The following ANKRD31 variants were observed in gnomAD, a reference collection of about 807,000 sequenced individuals.
The protein encoded by ANKRD31 is ankyrin repeat domain-containing protein 31.
Under a neutral mutation model 186.0 loss-of-function variants are expected in ANKRD31, and 147 were observed. That is an observed-to-expected ratio of 0.79 (90% confidence interval 0.69 to 0.91). ANKRD31 has a LOEUF of 0.91. Among genes scored for constraint, ANKRD31 ranks in the 40% least tolerant of loss-of-function variants. ANKRD31 has a pLI of 0.00. For missense variants in ANKRD31, 1,986 were observed against 2,148.8 expected, an observed-to-expected ratio of 0.92 and a Z score of 1.50; for synonymous variants, 673 against 736.4, an observed-to-expected ratio of 0.91 and a Z score of 1.39.
At chr5:75,167,852 A>G (rs966777831) in intron 11 of ANKRD31, among the ~76,000 whole-genome samples, 1 of 152,204 alleles carries the variant, frequency 6.6e-6, no homozygotes, top group African/African-American at 2.4e-5. Context: ...ACTCTTGATC[A>G]GTATAGGTCA....
Position 75,188,514 on chromosome 5 carries a change from C to T in ANKRD31, c.1543G>A (p.Val515Ile). The T allele has an allele frequency of 6.5e-7, 1 of 1,535,820 alleles. No individual in the cohort carries two copies. ...VHHCIKKGGN[V>I]NQPSYAGWTA... The stretch of plus-strand genomic sequence containing the variant: ...TTACCAGCATAACTTGGCTGATTAA[C>T]ATTTCCACCTTTTTTTATACAATGA... The change falls in exon 10 of 26, where the codon GTT becomes ATT. Residue 515 changes from valine (V) to isoleucine (I), a missense_variant. Coordinates refer to ENST00000506364, the MANE Select transcript of ANKRD31 (RefSeq NM_001372053.1).
chr5:75,086,506 T>G (rs1213890302), intron 23 of ANKRD31, among the ~76,000 whole-genome samples: 1 of 152,244 alleles, frequency 6.6e-6, no homozygotes, highest in East Asian at 1.9e-4. Context: ...ATATGCCTAC[T>G]CTGACAGAGG....
At chr5:75,202,876 T>G (rs1218920984) in intron 5 of ANKRD31, among the ~76,000 whole-genome samples, 1 of 152,232 alleles carries the variant, frequency 6.6e-6, no homozygotes, top group Non-Finnish European at 1.5e-5. Context: ...TCTAAGGATC[T>G]CTAGTCACAG....
At chr5:75,110,022 T>C (rs1747642283) in intron 20 of ANKRD31, among the ~76,000 whole-genome samples, 1 of 152,148 alleles carries the variant, frequency 6.6e-6, no homozygotes, top group East Asian at 1.9e-4. Context: ...CAGTAATTAG[T>C]TACCATCCAA....
At position 75,104,775 on chromosome 5, in the gene ANKRD31, T is replaced by C. The variant is rs1471335427; in HGVS notation, c.4784A>G (p.Asp1595Gly). 1 of 1,537,116 alleles carries C rather than the reference T, an allele frequency of 6.5e-7. No homozygotes were observed. The highest frequency in any genetic ancestry group is 1.4e-5 in the African/African-American group (1 of 73,048). The part of the protein sequence containing the change: ...LDGFPKSRHS[D>G]GTEKNKLPSQ... ...TGGTAATTTATTCTTCTCTGTGCCATCTGAATGTCTGGATTTTGGAAAACC... is the reference window on the plus strand; with the variant it reads ...TGGTAATTTATTCTTCTCTGTGCCACCTGAATGTCTGGATTTTGGAAAACC... Residue 1595 changes from aspartate (D) to glycine (G), a missense_variant, in exon 22 of 26, where the codon GAT becomes GGT. Coordinates refer to ENST00000506364, the MANE Select transcript of ANKRD31 (RefSeq NM_001372053.1).
chr5:75,211,542 T>C (rs1756649454), intron 3 of ANKRD31, among the ~76,000 whole-genome samples: 1 of 152,228 alleles, frequency 6.6e-6, no homozygotes, highest in Admixed American at 6.5e-5. Flanking sequence ...GGTGATTCTA[T>C]GTTTAACTTT....
intron 9 of ANKRD31, among the ~76,000 whole-genome samples, chr5:75,192,007 C>G (rs114075635): frequency 3.8e-3 from 578 of 152,134 alleles, no homozygotes; most frequent in African/African-American, 0.013. Flanking sequence ...ATTCTTTCTT[C>G]TAAATACGTA....
chr5:75,098,298 T>G (rs1380572323), intron 22 of ANKRD31, among the ~76,000 whole-genome samples: 1 of 152,192 alleles, frequency 6.6e-6, no homozygotes, highest in Non-Finnish European at 1.5e-5. Context: ...ATATCTCTGT[T>G]TTGGTACCAG....
chr5:75,233,814 AC>A lies in ANKRD31; in HGVS notation c.104+2768del, dbSNP rs769047900. 4.0e-5 allele frequency among the ~76,000 whole-genome samples: 6 copies of A among 151,640 alleles called. No individual in the cohort carries two copies. The East Asian group carries it at 1.2e-3, about 30-fold the overall frequency. The stretch of plus-strand genomic sequence containing the variant: ...GCCTGTAGTCCCAGCTACTCAGCAG[AC>A]CCAGGCAAGAGAATGGCTTGAACCT... On this transcript the variant is annotated intron_variant, in intron 1 of 25. Coordinates refer to ENST00000506364, the MANE Select transcript of ANKRD31 (RefSeq NM_001372053.1).
intron 3 of ANKRD31, among the ~76,000 whole-genome samples, chr5:75,212,687 T>C (rs903146628): frequency 2.0e-5 from 3 of 152,140 alleles, no homozygotes; most frequent in African/African-American, 7.2e-5. Context: ...GTTGTGTCCC[T>C]TTCGAAAAAG....
At chr5:75,094,536 T>C (rs923837133) in intron 22 of ANKRD31, among the ~76,000 whole-genome samples, 8 of 152,030 alleles carry the variant, frequency 5.3e-5, no homozygotes, top group Admixed American at 3.3e-4. Context: ...TCAAAAAATA[T>C]GATGAAAAGT....
rs1008924972 is a variant in ANKRD31, at chr5:75,152,234, G to C, written c.1852+1967C>G. Among the ~76,000 whole-genome samples the C allele has an allele frequency of 4.2e-4, 64 of 151,976 alleles. 2 individuals carry two copies. Among genetic ancestry groups the C allele is most frequent in the Admixed American group, 2.7e-3 (41 of 15,210 alleles). ...CTTTTCAGCCTTAAGTTGATTACTT[G>C]CCACCAAAGAACTTTGAATTTATAT... On this transcript the variant is annotated intron_variant, in intron 12 of 25. Transcript: ENST00000506364.
chr5:75,105,052 G>C lies in ANKRD31; in HGVS notation c.4507C>G (p.Leu1503Val). 1 of 1,536,922 alleles carries C rather than the reference G, an allele frequency of 6.5e-7. No homozygotes were observed. The highest frequency in any genetic ancestry group is 1.2e-5 in the South Asian group (1 of 83,988). ...TSLPCLSLRK[L>V]PPRSEISSEK... ...CTAGAGATTTCTGATCTGGGTGGGA[G>C]CTTCCTTAAACTAAGACAAGGCAAT... Residue 1503 changes from leucine (L) to valine (V), a missense_variant, in exon 22 of 26, where the codon CTC becomes GTC. Physicochemically the swap from Leu to Val is conservative, Grantham distance 32. Coordinates refer to ENST00000506364, the MANE Select transcript of ANKRD31 (RefSeq NM_001372053.1).
chr5:75,166,147 A>C (rs1203163183), intron 11 of ANKRD31, among the ~76,000 whole-genome samples: 2 of 152,140 alleles, frequency 1.3e-5, no homozygotes, highest in African/African-American at 2.4e-5. Context: ...CTACCACATA[A>C]TATAATGTAT....
chr5:75,118,188 G>C lies in ANKRD31; in HGVS notation c.3986C>G (p.Ser1329Cys). Residue 1329 changes from serine to cysteine, a missense_variant, in exon 18 of 26, where the codon TCT becomes TGT. By Grantham distance (112) the Ser-to-Cys change is moderately radical. Coordinates refer to ENST00000506364, the MANE Select transcript of ANKRD31 (RefSeq NM_001372053.1). ...DDEKMKELLR[S>C]YGAIETVNRD... ...ATTAACAGTCTCAATAGCACCATAA[G>C]ATCTTAGTAATTCTTTCATTTTTTC... The C allele has an allele frequency of 6.5e-7, 1 of 1,526,974 alleles. No individual in the cohort carries two copies. Among genetic ancestry groups the C allele is most frequent in the Non-Finnish European group, 8.7e-7 (1 of 1,143,874 alleles). 94.6% of individuals were successfully genotyped at this position (1,526,974 alleles called of 1,614,324 possible). A position where few individuals can be genotyped will look rare whatever the true frequency, so the allele number is the denominator to read the frequency against.
intron 10 of ANKRD31, among the ~76,000 whole-genome samples, chr5:75,180,399 G>C (rs948662341): frequency 2.6e-5 from 4 of 152,008 alleles, no homozygotes; most frequent in African/African-American, 9.7e-5. Flanking sequence ...AGTTCATATG[G>C]AACCAAAAAA....
chr5:75,181,446 T>C (rs1156532942), intron 10 of ANKRD31, among the ~76,000 whole-genome samples: 2 of 152,138 alleles, frequency 1.3e-5, no homozygotes, highest in African/African-American at 4.8e-5. Context: ...GTACGTTTAT[T>C]GCGGCACTAT....
chr5:75,119,573 T>G (rs1295363286), intron 17 of ANKRD31, among the ~76,000 whole-genome samples: 1 of 152,244 alleles, frequency 6.6e-6, no homozygotes, highest in Non-Finnish European at 1.5e-5. Context: ...AGTGTATATG[T>G]CTTTTTGGTA....
chr5:75,130,286 T>G (rs1205174033), intron 17 of ANKRD31, among the ~76,000 whole-genome samples: 1 of 152,234 alleles, frequency 6.6e-6, no homozygotes, highest in East Asian at 1.9e-4. Flanking sequence ...ATTAAGGTAG[T>G]GCAGACCCAA....
Sources: gnomAD v4.1 joint callset for allele counts (sites outside exome capture counted in the v4.1 genomes callset) on GRCh38, gnomAD v4.1.1 for gene constraint, MANE v1.5 for transcripts, NCBI Gene and HGNC (gene_info 2026-07-23, HGNC 2026-07-21) for gene names.